MED4: variants seen among roughly 807,000 people sequenced by gnomAD.
MED4 encodes mediator of RNA polymerase II transcription subunit 4.
In MED4, 21 loss-of-function variants were observed where a neutral mutation model predicts 35.0. The ratio of observed to expected loss-of-function variants is 0.60; its 90% confidence interval spans 0.43 to 0.86. The LOEUF (loss-of-function observed/expected upper bound fraction) is 0.86, where lower values mean the gene tolerates loss of function less well. Among genes scored for constraint, MED4 ranks in the 40% least tolerant of loss-of-function variants. MED4 has a pLI of 0.00. For synonymous variants in MED4, 138 were observed against 114.0 expected (o/e 1.21, Z -1.34); for missense variants, 300 against 319.4 (o/e 0.94, Z 0.46).
At chr13:48,082,284 C>T (rs1249646769) in intron 4 of MED4, among the ~76,000 whole-genome samples, 1 of 151,462 alleles carries the variant, frequency 6.6e-6, no homozygotes, top group African/African-American at 2.4e-5. Flanking sequence ...TACATACATA[C>T]TCACAGATCT....
intron 2 of MED4, among the ~76,000 whole-genome samples, chr13:48,087,397 T>A (rs1337053906): frequency 6.6e-6 from 1 of 151,950 alleles, no homozygotes; most frequent in African/African-American, 2.4e-5. Context: ...ATAATGAAAG[T>A]TCTCCCAAAA....
At chr13:48,077,921 A>G (rs1456757849) in intron 6 of MED4, among the ~76,000 whole-genome samples, 2 of 152,164 alleles carry the variant, frequency 1.3e-5, no homozygotes, top group African/African-American at 4.8e-5. Flanking sequence ...ATATGCATAT[A>G]TAATACATAC....
intron 3 of MED4, among the ~76,000 whole-genome samples, chr13:48,084,932 T>A (rs1383720172): frequency 6.6e-6 from 1 of 151,920 alleles, no homozygotes; most frequent in Non-Finnish European, 1.5e-5. Context: ...AGTGGGGTGA[T>A]CCCAGTTCAT....
Position 48,076,676 on chromosome 13 carries a change from T to C in MED4, c.*463A>G, listed in dbSNP as rs1950761148. 1 of 152,436 alleles carries C rather than the reference T, an allele frequency of 6.6e-6. No individual in the cohort carries two copies. Among genetic ancestry groups the C allele is most frequent in the Admixed American group, 6.5e-5 (1 of 15,296 alleles). The allele number at this position is 152,436 out of a possible 1,614,324, so 9.4% of individuals were successfully genotyped here. A position where few individuals can be genotyped will look rare whatever the true frequency, so the allele number is the denominator to read the frequency against. On this transcript the variant is annotated 3_prime_UTR_variant, in exon 7 of 7. Coordinates refer to ENST00000258648, the MANE Select transcript of MED4 (RefSeq NM_014166.4). The stretch of plus-strand genomic sequence containing the variant: ...TCCAACAGAAGCCAAGAGCCTTTAC[T>C]GTCAAATGGCAGTTTTTGTTACTTT...
intron 2 of MED4, among the ~76,000 whole-genome samples, chr13:48,089,620 C>A (rs115562819): frequency 2.6e-5 from 4 of 152,104 alleles, no homozygotes; most frequent in African/African-American, 9.7e-5. Flanking sequence ...GGCATTATAG[C>A]GCATGCCTAT....
chr13:48,085,958 AAG>A lies in MED4; in HGVS notation c.363+322_363+323del, dbSNP rs1335765448. On this transcript the variant is annotated intron_variant, in intron 3 of 6. Coordinates refer to ENST00000258648, the MANE Select transcript of MED4 (RefSeq NM_014166.4). The stretch of plus-strand genomic sequence containing the variant: ...AAGGATCAGAGACCAAAAAAAAAAA[AAG>A]AGAGATTTAGACTACTGATAATTAA... Among the ~76,000 whole-genome samples the A allele has an allele frequency of 1.4e-3, 207 of 152,200 alleles. 2 individuals are homozygous for A. Among genetic ancestry groups the A allele is most frequent in the Admixed American group, 4.7e-3 (72 of 15,298 alleles).
At chr13:48,082,187 A>T (rs202070658) in intron 4 of MED4, among the ~76,000 whole-genome samples, 5 of 142,218 alleles carry the variant, frequency 3.5e-5, no homozygotes, top group Admixed American at 7.2e-5. Context: ...TTCATTAGGT[A>T]AAAAAAAAAA....
intron 1 of MED4, among the ~76,000 whole-genome samples, chr13:48,093,059 G>A (rs1950901293): frequency 6.6e-6 from 1 of 152,190 alleles, no homozygotes; most frequent in Non-Finnish European, 1.5e-5. Flanking sequence ...GCCCTGTCCT[G>A]CTAAAAAGAA....
At chr13:48,090,846 A>G (rs1950885298) in intron 1 of MED4, among the ~76,000 whole-genome samples, 1 of 152,080 alleles carries the variant, frequency 6.6e-6, no homozygotes, top group African/African-American at 2.4e-5. Flanking sequence ...TGCAAGAAAA[A>G]CTCATACATC....
At chr13:48,080,361 C>CA (rs1394312286) in intron 5 of MED4, among the ~76,000 whole-genome samples, 4 of 131,526 alleles carry the variant, frequency 3.0e-5, no homozygotes, top group Admixed American at 1.8e-4. Flanking sequence ...TGCACCACTG[C>CA]ACTCCAGCCT....
chr13:48,084,845 T>C (rs1023296930), intron 3 of MED4, among the ~76,000 whole-genome samples: 5 of 150,934 alleles, frequency 3.3e-5, no homozygotes, highest in South Asian at 2.1e-4. Flanking sequence ...CAGATTTTAA[T>C]ATATATATAA....
intron 5 of MED4, among the ~76,000 whole-genome samples, chr13:48,080,666 G>A (rs577383228): frequency 6.6e-6 from 1 of 151,014 alleles, no homozygotes; most frequent in African/African-American, 2.4e-5. Flanking sequence ...ATGCTGCAAG[G>A]GAGAAAAAAA....
intron 5 of MED4, among the ~76,000 whole-genome samples, chr13:48,080,188 G>A (rs779870688): frequency 6.6e-6 from 1 of 151,624 alleles, no homozygotes; most frequent in African/African-American, 2.4e-5. Context: ...CCTCAAGTCA[G>A]AAGTTCAAGA....
chr13:48,091,940 T>C (rs143035325), intron 1 of MED4, among the ~76,000 whole-genome samples: 4 of 152,120 alleles, frequency 2.6e-5, no homozygotes, highest in Non-Finnish European at 4.4e-5. Context: ...AAGAGCACAG[T>C]AGAAGACACA....
Position 48,080,031 on chromosome 13 carries a change from T to C in MED4, c.509-56A>G, listed in dbSNP as rs147035347. 1,567 of 1,572,488 alleles carry C rather than the reference T, an allele frequency of 1.0e-3. 11 individuals are homozygous for C. The African/African-American group carries it at 0.018, about 18-fold the overall frequency. On this transcript the variant is annotated intron_variant, in intron 5 of 6. Transcript: ENST00000258648. Reference sequence around the variant, plus strand: ...TCATATTTTAAAAAATAAGTGTTAATATGTTATTTGACATACTCATTTTCG... The same window carrying C: ...TCATATTTTAAAAAATAAGTGTTAACATGTTATTTGACATACTCATTTTCG...
chr13:48,077,555 T>TA (rs768827552), intron 6 of MED4: 38 of 286,544 alleles, frequency 1.3e-4, no homozygotes, highest in Non-Finnish European at 1.9e-4. Context: ...GGGTTACAGG[T>TA]ATGTGCCACC....
At chr13:48,077,388 C>A (rs1296592196) in intron 6 of MED4, 77 bp from the exon 7 acceptor site, 2 of 1,179,024 alleles carry the variant, frequency 1.7e-6, no homozygotes, top group African/African-American at 3.2e-5. Context: ...CTTTATGCAA[C>A]AATTTGAAGT....
intron 6 of MED4, chr13:48,077,687 A>C (rs1950771301): frequency 6.5e-6 from 1 of 154,516 alleles, no homozygotes; most frequent in Non-Finnish European, 1.4e-5. Flanking sequence ...TTGGGATTAC[A>C]GGCATAAGCT....
rs534224553 is a variant in MED4 at position 48,090,369 on chromosome 13, C to G, written c.175G>C (p.Ala59Pro). ...CCACTTACCTGGTTTTCCTCTCCAGCCTGTAACAACTTTTGGTTTCTTGAA... is the reference window on the plus strand; with the variant it reads ...CCACTTACCTGGTTTTCCTCTCCAGGCTGTAACAACTTTTGGTTTCTTGAA... ...AISRNQKLLQ[A>P]GEENQVLELL... The change falls in exon 2 of 7, where the codon GCT becomes CCT. Residue 59 changes from alanine (A) to proline (P), a missense_variant. Coordinates refer to ENST00000258648, the MANE Select transcript of MED4 (RefSeq NM_014166.4). The G allele has an allele frequency of 6.3e-7, 1 of 1,594,740 alleles. No individual in the cohort carries two copies. The highest frequency in any genetic ancestry group is 1.2e-5 in the South Asian group (1 of 86,248).
Sources: allele counts gnomAD v4.1 joint callset (sites outside exome capture counted in the v4.1 genomes callset), GRCh38; gene constraint gnomAD v4.1.1; transcripts MANE v1.5; gene names NCBI Gene and HGNC (gene_info 2026-07-23, HGNC 2026-07-21).